Variants in STRADB observed in about 807,000 individuals in gnomAD.
The protein encoded by STRADB is STE20 related adaptor beta.
STRADB carries 34 observed loss-of-function variants against 52.1 expected under a neutral mutation model. The ratio of observed to expected loss-of-function variants is 0.65; its 90% CI spans 0.50 to 0.87. The LOEUF is 0.87. Ranked by LOEUF, STRADB falls within the 40% of genes least tolerant of loss-of-function variation. STRADB has a pLI of 0.00. For missense variants in STRADB, 340 were observed against 483.9 expected, an observed-to-expected ratio of 0.70 and a Z score of 2.79; for synonymous variants, 133 against 174.5, an observed-to-expected ratio of 0.76 and a Z score of 1.87.
intron 3 of STRADB, among the ~76,000 whole-genome samples, chr2:201,466,136 A>C (rs910909780): frequency 6.6e-6 from 1 of 152,178 alleles, no homozygotes. Context: ...GGAGGGTTCC[A>C]TTCAGCCATC....
At position 201,451,794 on chromosome 2, in the gene STRADB, C is replaced by A. The variant is rs918489674; in HGVS notation, c.-240C>A. ...AGAGTTCCAAGCCCACGGCCCCGGT[C>A]GCGGCCTCGCCGCCCTCCCGCGCCC... On this transcript the variant is annotated 5_prime_UTR_variant, in exon 1 of 12. Transcript: ENST00000194530. 3.3e-5 allele frequency: 5 copies of A among 152,060 alleles called. No homozygotes were observed. The highest frequency in any genetic ancestry group is 1.2e-4 in the African/African-American group (5 of 41,400). The allele number at this position is 152,060 out of a possible 1,614,324, so 9.4% of individuals were successfully genotyped here.
At chr2:201,473,589 A>T (rs762165560) in intron 5 of STRADB, among the ~76,000 whole-genome samples, 24 of 152,232 alleles carry the variant, frequency 1.6e-4, no homozygotes, top group Non-Finnish European at 2.5e-4. Flanking sequence ...CAGGTTCATT[A>T]TATGAAAGAA....
chr2:201,465,443 TCTA>T (rs1952286397), intron 3 of STRADB, among the ~76,000 whole-genome samples: 1 of 151,290 alleles, frequency 6.6e-6, no homozygotes, highest in African/African-American at 2.4e-5. Flanking sequence ...GGTACCCTAT[TCTA>T]CTGTGGCTGA....
chr2:201,477,867 T>C, intron 8 of STRADB, 77 bp downstream of exon 8: 1 of 1,538,682 alleles, frequency 6.5e-7, no homozygotes, highest in South Asian at 1.2e-5. Context: ...GTTGTGTCTT[T>C]ATATTTGGAT....
At chr2:201,457,617 A>G (rs765585484) in intron 2 of STRADB, among the ~76,000 whole-genome samples, 3 of 152,252 alleles carry the variant, frequency 2.0e-5, no homozygotes, top group Non-Finnish European at 4.4e-5. Flanking sequence ...AAGGAAATTT[A>G]TATTTAAGTA....
At chr2:201,473,139 G>A in intron 5 of STRADB, 63 bp downstream of exon 5, 1 of 1,439,642 alleles carries the variant, frequency 6.9e-7, no homozygotes, top group Non-Finnish European at 9.3e-7. Flanking sequence ...CACATCTGCA[G>A]ATTCAACCAA....
chr2:201,474,809 A>C, intron 6 of STRADB, 54 bp downstream of exon 6: 1 of 1,328,372 alleles, frequency 7.5e-7, no homozygotes, highest in Non-Finnish European at 1.0e-6. Flanking sequence ...ATAATTATAT[A>C]GATGAGTTGG....
At chr2:201,454,288 G>A (rs1351452991) in intron 1 of STRADB, among the ~76,000 whole-genome samples, 1 of 152,160 alleles carries the variant, frequency 6.6e-6, no homozygotes, top group Admixed American at 6.5e-5. Flanking sequence ...AATAAGAAAG[G>A]GCTTTGGAAA....
rs1221883156 is a variant in STRADB, at chr2:201,480,585, C to CCAA, written c.*413_*415dup. Reference sequence around the variant, plus strand: ...GCCTTTTTAATGAGCTATTGTTAAACCAACAGGCTAGTTTATCTTACATCA... The same window carrying CCAA: ...GCCTTTTTAATGAGCTATTGTTAAACCAACAACAGGCTAGTTTATCTTACATCA... On this transcript the variant is annotated 3_prime_UTR_variant, in exon 12 of 12. Transcript: ENST00000194530. The CCAA allele has an allele frequency of 1.0e-6, 1 of 998,274 alleles. No homozygotes were observed. The highest frequency in any genetic ancestry group is 1.0e-4 in the East Asian group (1 of 9,534). The allele number at this position is 998,274 out of a possible 1,614,324, so 61.8% of individuals were successfully genotyped here. A position where few individuals can be genotyped will look rare whatever the true frequency, so the allele number is the denominator to read the frequency against.
At chr2:201,456,140 A>G (rs1455393189) in intron 2 of STRADB, among the ~76,000 whole-genome samples, 1 of 152,232 alleles carries the variant, frequency 6.6e-6, no homozygotes, top group Non-Finnish European at 1.5e-5. Context: ...CTGCTGAAAT[A>G]CTAGCATGAA....
chr2:201,468,083 T>G (rs1476481632), intron 3 of STRADB, among the ~76,000 whole-genome samples: 2 of 78,568 alleles, frequency 2.5e-5, no homozygotes, highest in African/African-American at 7.1e-5. Context: ...CCTTTTTTTT[T>G]TCTTTTTTTT....
At chr2:201,480,009 C>T (rs1181638659) in intron 11 of STRADB, 23 bp from the exon 12 acceptor site, 1 of 1,613,328 alleles carries the variant, frequency 6.2e-7, no homozygotes, top group African/African-American at 1.3e-5. Context: ...TATCAACAGC[C>T]TTATTTTGAG....
At chr2:201,479,998 A>T (rs1217672863) in intron 11 of STRADB, 34 bp from the exon 12 acceptor site, 1 of 1,611,076 alleles carries the variant, frequency 6.2e-7, no homozygotes, top group Non-Finnish European at 8.5e-7. Context: ...TTGAAATGAT[A>T]TATCAACAGC....
At chr2:201,477,007 AAATT>A (rs1484691613) in intron 7 of STRADB, among the ~76,000 whole-genome samples, 1 of 146,956 alleles carries the variant, frequency 6.8e-6, no homozygotes, top group South Asian at 2.1e-4. Flanking sequence ...AAAAAAAGTG[AAATT>A]AATTATTTGA....
chr2:201,462,480 C>G (rs904908903), intron 3 of STRADB, among the ~76,000 whole-genome samples: 1 of 151,820 alleles, frequency 6.6e-6, no homozygotes, highest in Admixed American at 6.5e-5. Flanking sequence ...CTGTCTTCTT[C>G]TTTTTTGTGA....
chr2:201,477,894 G>T, intron 8 of STRADB, 104 bp downstream of exon 8: 1 of 1,379,508 alleles, frequency 7.2e-7, no homozygotes, highest in East Asian at 2.3e-5. Flanking sequence ...ATGGCCTTCT[G>T]CAAGACTTTA....
chr2:201,472,394 A>G (rs1345467871), intron 4 of STRADB, among the ~76,000 whole-genome samples: 1 of 152,262 alleles, frequency 6.6e-6, no homozygotes, highest in African/African-American at 2.4e-5. Context: ...AAATTGTGGT[A>G]TAGCCATACA....
chr2:201,458,928 A>G, intron 3 of STRADB, 64 bp downstream of exon 3: 4 of 1,412,392 alleles, frequency 2.8e-6, no homozygotes, highest in Non-Finnish European at 4.0e-6. Context: ...CTGGGAGGCC[A>G]AGGCAGGAGA....
chr2:201,454,423 C>T (rs776136854), intron 1 of STRADB, among the ~76,000 whole-genome samples: 14 of 152,068 alleles, frequency 9.2e-5, no homozygotes, highest in Non-Finnish European at 1.3e-4. Context: ...ATTTGCTCAG[C>T]GTTCTTTAAA....
Sources: allele counts gnomAD v4.1 joint callset (sites outside exome capture counted in the v4.1 genomes callset), GRCh38; gene constraint gnomAD v4.1.1; transcripts MANE v1.5; gene names NCBI Gene and HGNC (gene_info 2026-07-23, HGNC 2026-07-21).